The following KIF2A variants were observed in gnomAD, a reference collection of about 807,000 sequenced individuals.
The protein encoded by KIF2A is kinesin family member 2A, also known as kinesin-like protein KIF2A.
A neutral mutation model predicts 100.2 loss-of-function variants in KIF2A; 22 were observed. That is an observed-to-expected ratio of 0.22 (90% CI 0.16 to 0.31). The LOEUF is 0.31. Ranked by LOEUF, KIF2A falls within the 10% of genes least tolerant of loss-of-function variation. The pLI is 1.00. For synonymous variants in KIF2A, 268 were observed against 285.9 expected (o/e 0.94, Z 0.63); for missense variants, 495 against 898.7 (o/e 0.55, Z 5.74).
At chr5:62,374,446 A>AT (rs1355099176) in intron 18 of KIF2A, among the ~76,000 whole-genome samples, 1 of 151,934 alleles carries the variant, frequency 6.6e-6, no homozygotes, top group Non-Finnish European at 1.5e-5. Context: ...TAAACCATTC[A>AT]TTTTTTTCCC....
chr5:62,306,292 G>A lies in KIF2A; in HGVS notation c.-181G>A. ...CGTCCTCCTGCCGGCCTGCAGGCCC[G>A]GGGCCTCCGCCTGCTTCCCCACAGC... On this transcript the variant is annotated 5_prime_UTR_variant, in exon 1 of 21. Coordinates refer to ENST00000407818, the MANE Select transcript of KIF2A (RefSeq NM_001098511.3). 3.6e-6 allele frequency: 2 copies of A among 556,520 alleles called. No homozygotes were observed. Among genetic ancestry groups the A allele is most frequent in the Non-Finnish European group, 3.2e-6 (1 of 314,670 alleles). The allele number at this position is 556,520 out of a possible 1,614,324, so 34.5% of individuals were successfully genotyped here.
At position 62,344,220 on chromosome 5, in the gene KIF2A, C is replaced by T. The variant is rs538458356; in HGVS notation, c.65-2910C>T. 2.0e-5 allele frequency among the ~76,000 whole-genome samples: 3 copies of T among 151,946 alleles called. No homozygotes were observed. The East Asian group carries it at 5.8e-4, about 29-fold the overall frequency. On this transcript the variant is annotated intron_variant, in intron 1 of 20. Transcript: ENST00000407818. ...ATTAGCTGGGCGTGGTGGTGCGCAC[C>T]TGTAGTCTAGCTACTCAGGAGGCTG...
At chr5:62,376,922 T>C (rs985219795) in intron 18 of KIF2A, among the ~76,000 whole-genome samples, 1 of 152,138 alleles carries the variant, frequency 6.6e-6, no homozygotes, top group Non-Finnish European at 1.5e-5. Context: ...GTCCCACAGC[T>C]GGCCCCGTGG....
At chr5:62,352,076 C>T (rs1447312276) in intron 4 of KIF2A, among the ~76,000 whole-genome samples, 2 of 150,448 alleles carry the variant, frequency 1.3e-5, no homozygotes, top group African/African-American at 4.9e-5. Flanking sequence ...TCACTTGAAC[C>T]TGGGAGGCGG....
chr5:62,306,529 C>T lies in KIF2A; in HGVS notation c.57C>T (p.Arg19=). The part of the protein sequence containing the change: ...IQIGIYVEIK[R]SDGRIHQAMV... ...TCGGGATTTACGTGGAGATCAAGCG[C>T]AGCGATGGTGAGCCGCGCTGCCAGC... The change falls in exon 1 of 21, where the codon CGC becomes CGT. Residue 19 remains arginine, a synonymous_variant. Coordinates refer to ENST00000407818, the MANE Select transcript of KIF2A (RefSeq NM_001098511.3). The T allele has an allele frequency of 1.3e-6, 2 of 1,545,702 alleles. No individual in the cohort carries two copies. The highest frequency in any genetic ancestry group is 1.2e-5 in the South Asian group (1 of 83,206).
intron 9 of KIF2A, among the ~76,000 whole-genome samples, chr5:62,360,023 C>T (rs1038352603): frequency 3.3e-5 from 5 of 150,152 alleles, no homozygotes; most frequent in African/African-American, 7.4e-5. Context: ...CTGAGTTTTG[C>T]TCTTGTCGCC....
intron 12 of KIF2A, 109 bp downstream of exon 12, chr5:62,362,650 G>A (rs1748465678): frequency 4.6e-6 from 2 of 435,162 alleles, no homozygotes; most frequent in Non-Finnish European, 8.1e-6. Flanking sequence ...TCACATTGTT[G>A]TGCAGCGTTT....
At position 62,377,775 on chromosome 5, in the gene KIF2A, A is replaced by T. The variant is rs201354124; in HGVS notation, c.2013+13A>T. ...GGCAGTGTTCCAGGTAAAGTAAGACAGGACTTTCCTTCAAAATATTTCTTG... is the reference window on the plus strand; with the variant it reads ...GGCAGTGTTCCAGGTAAAGTAAGACTGGACTTTCCTTCAAAATATTTCTTG... On this transcript the variant is annotated intron_variant, in intron 19 of 20. Transcript: ENST00000407818. 6.3e-5 allele frequency: 81 copies of T among 1,294,282 alleles called. 1 individual carries two copies. Among genetic ancestry groups the T allele is most frequent in the Admixed American group, 5.6e-4 (24 of 43,236 alleles). 80.2% of individuals were successfully genotyped at this position (1,294,282 alleles called of 1,614,324 possible).
intron 1 of KIF2A, among the ~76,000 whole-genome samples, chr5:62,310,570 A>C (rs1384189166): frequency 6.6e-6 from 1 of 150,982 alleles, no homozygotes; most frequent in African/African-American, 2.5e-5. Context: ...CTACCTCCCT[A>C]CTCTGGCCCT....
chr5:62,347,079 G>T, intron 1 of KIF2A, 51 bp from the exon 2 acceptor site: 1 of 948,660 alleles, frequency 1.1e-6, no homozygotes, highest in South Asian at 1.5e-5. Flanking sequence ...CAGTGTTTAG[G>T]AATGCCATAA....
chr5:62,328,067 A>G (rs1401343380), intron 1 of KIF2A, among the ~76,000 whole-genome samples: 1 of 152,264 alleles, frequency 6.6e-6, no homozygotes, highest in African/African-American at 2.4e-5. Context: ...TACCTGGGAA[A>G]GACAGTTCTT....
intron 1 of KIF2A, among the ~76,000 whole-genome samples, chr5:62,311,075 T>A (rs1005400412): frequency 3.3e-5 from 5 of 152,062 alleles, no homozygotes; most frequent in African/African-American, 1.2e-4. Flanking sequence ...ACCAGAAAGG[T>A]TTTTGGAGAT....
At chr5:62,335,178 G>A (rs1746875292) in intron 1 of KIF2A, among the ~76,000 whole-genome samples, 1 of 152,240 alleles carries the variant, frequency 6.6e-6, no homozygotes, top group African/African-American at 2.4e-5. Flanking sequence ...TCTCTAAGGA[G>A]ATTGCAGCAA....
intron 1 of KIF2A, among the ~76,000 whole-genome samples, chr5:62,339,608 AT>A (rs1311419027): frequency 6.6e-6 from 1 of 150,962 alleles, no homozygotes; most frequent in Non-Finnish European, 1.5e-5. Flanking sequence ...CCATAGCATC[AT>A]TGTTCCTAAT....
chr5:62,346,254 C>T (rs1747561615), intron 1 of KIF2A, among the ~76,000 whole-genome samples: 2 of 151,952 alleles, frequency 1.3e-5, no homozygotes, highest in Admixed American at 6.6e-5. Flanking sequence ...GATTGTAAGA[C>T]TGGAGTAGTT....
chr5:62,380,535 G>C (rs1580103735), intron 19 of KIF2A, among the ~76,000 whole-genome samples: 1 of 152,212 alleles, frequency 6.6e-6, no homozygotes, highest in East Asian at 1.9e-4. Context: ...CTGACCCCCA[G>C]CACAGTTGGA....
In KIF2A at chr5:62,357,705, G is replaced by T. The variant is rs781206641; in HGVS notation, c.669G>T (p.Arg223Ser). The change falls in exon 8 of 21, where the codon AGG becomes AGT. Residue 223 changes from arginine (R) to serine (S), a missense_variant. Around this residue, in one of 10 missense-constraint regions of KIF2A, gnomAD observed 109 missense variants for 244.2 expected, o/e 0.45. Transcript: ENST00000407818. The stretch of plus-strand genomic sequence containing the variant: ...TTTATTTCTAGATTGATGAACATAG[G>T]ATATGTGTGTGTGTAAGAAAACGAC... ...LTTADPIDEHRICVCVRKRPL... is the reference protein window; with the variant it reads ...LTTADPIDEHSICVCVRKRPL... The T allele has an allele frequency of 1.3e-6, 2 of 1,550,992 alleles. No homozygotes were observed. Among genetic ancestry groups the T allele is most frequent in the Admixed American group, 3.4e-5 (2 of 58,662 alleles).
rs571197192 is a variant in KIF2A, at chr5:62,390,651, T to G, written c.*5082T>G. Among the ~76,000 whole-genome samples the G allele has an allele frequency of 2.0e-5, 3 of 152,318 alleles. No homozygotes were observed. In the East Asian group the frequency reaches 5.8e-4, roughly 29 times the overall value. On this transcript the variant is annotated 3_prime_UTR_variant, in exon 21 of 21. Coordinates refer to ENST00000407818, the MANE Select transcript of KIF2A (RefSeq NM_001098511.3). ...CACCACATTAACACAAAGGCAATCT[T>G]CTGGCTCGGACTGTTCTTTACTACT...
chr5:62,375,408 T>C (rs1274900112), intron 18 of KIF2A, among the ~76,000 whole-genome samples: 1 of 152,254 alleles, frequency 6.6e-6, no homozygotes, highest in Non-Finnish European at 1.5e-5. Context: ...TCACAACTCA[T>C]TGTAGTGGGT....
Sources: gnomAD v4.1 joint callset for allele counts (sites outside exome capture counted in the v4.1 genomes callset) on GRCh38, gnomAD v4.1.1 for gene constraint, gnomAD v4.1.1 regional missense constraint, MANE v1.5 for transcripts, NCBI Gene and HGNC (gene_info 2026-07-23, HGNC 2026-07-21) for gene names.